CDH12: variants seen among roughly 807,000 people sequenced by gnomAD.
CDH12 encodes cadherin 12, also known as cadherin-12.
In CDH12, 41 loss-of-function variants were observed where a neutral mutation model predicts 74.1. The observed-to-expected ratio is 0.55, with a 90% CI of 0.43 to 0.72. The LOEUF is 0.72. Ranked by LOEUF, CDH12 falls within the 30% of genes least tolerant of loss-of-function variation. The probability of loss-of-function intolerance (pLI) is 0.00; values close to 1 mark genes in which losing one functional copy is unlikely to be tolerated. For synonymous variants in CDH12, 399 were observed against 355.0 expected, an observed-to-expected ratio of 1.12 and a Z score of -1.39; for missense variants, 945 against 977.2, an observed-to-expected ratio of 0.97 and a Z score of 0.44.
chr5:21,941,656 CTGTT>C (rs1417683874), intron 6 of CDH12, among the ~76,000 whole-genome samples: 1 of 151,942 alleles, frequency 6.6e-6, no homozygotes, highest in Non-Finnish European at 1.5e-5. Context: ...ATTTTGCAAA[CTGTT>C]TGCTGTTCTC....
chr5:21,751,624 G>GTGTGTT lies in CDH12; in HGVS notation c.*112_*113insAACACA, dbSNP rs1744063296. 7.8e-4 allele frequency: 528 copies of GTGTGTT among 676,178 alleles called. No individual in the cohort carries two copies. The highest frequency in any genetic ancestry group is 9.3e-4 in the Non-Finnish European group (372 of 399,764). 41.9% of individuals were successfully genotyped at this position (676,178 alleles called of 1,614,324 possible). A position where few individuals can be genotyped will look rare whatever the true frequency, so the allele number is the denominator to read the frequency against. Reference sequence around the variant, plus strand: ...CTTGTCCCAGAGTGTGTGTGTGTGTGTGTGTGTTTGTGTGTGTGTGTGTGT... The same window carrying GTGTGTT: ...CTTGTCCCAGAGTGTGTGTGTGTGTGTGTGTTTGTGTGTTTGTGTGTGTGTGTGTGT... On this transcript the variant is annotated 3_prime_UTR_variant, in exon 15 of 15. Transcript: ENST00000382254.
At chr5:22,348,372 G>A (rs142186057) in intron 3 of CDH12, among the ~76,000 whole-genome samples, 12 of 152,212 alleles carry the variant, frequency 7.9e-5, no homozygotes, top group South Asian at 2.1e-4. Context: ...TTTGAATGTC[G>A]GAATTTGTTC....
chr5:22,619,185 T>G (rs1470312687), intron 1 of CDH12, among the ~76,000 whole-genome samples: 4 of 152,140 alleles, frequency 2.6e-5, no homozygotes, highest in Non-Finnish European at 5.9e-5. Flanking sequence ...TTCATTTGTT[T>G]TGGTCCCTAT....
intron 3 of CDH12, among the ~76,000 whole-genome samples, chr5:22,285,310 A>C (rs1561283144): frequency 1.3e-5 from 2 of 151,564 alleles, no homozygotes; most frequent in South Asian, 2.1e-4. Context: ...AGACATAAAA[A>C]ATAAGTTAAG....
At chr5:22,524,759 A>G (rs1737194696) in intron 1 of CDH12, among the ~76,000 whole-genome samples, 1 of 151,960 alleles carries the variant, frequency 6.6e-6, no homozygotes, top group Non-Finnish European at 1.5e-5. Flanking sequence ...ATGTCCACCA[A>G]GTGACACATG....
At chr5:22,112,650 G>A (rs1744880421) in intron 4 of CDH12, among the ~76,000 whole-genome samples, 1 of 151,244 alleles carries the variant, frequency 6.6e-6, no homozygotes. Context: ...AGATAATATC[G>A]ATCTCCAAGC....
chr5:22,763,730 A>C (rs1343746939), intron 1 of CDH12, among the ~76,000 whole-genome samples: 2 of 151,948 alleles, frequency 1.3e-5, no homozygotes, highest in Non-Finnish European at 2.9e-5. Context: ...CAGTGTTTCC[A>C]AGTTTAAATA....
intron 4 of CDH12, chr5:22,142,464 GA>G (rs991310073): frequency 9.9e-6 from 6 of 605,600 alleles, no homozygotes; most frequent in African/African-American, 9.3e-5. Flanking sequence ...GCACTAGAAG[GA>G]TCTGTAGCTT....
chr5:21,881,013 C>T (rs1752326958), intron 6 of CDH12, among the ~76,000 whole-genome samples: 3 of 151,960 alleles, frequency 2.0e-5, no homozygotes, highest in South Asian at 4.2e-4. Flanking sequence ...AGCTACCCCT[C>T]GGGGAGAATA....
chr5:22,669,611 G>C (rs190976273), intron 1 of CDH12, among the ~76,000 whole-genome samples: 2 of 152,210 alleles, frequency 1.3e-5, no homozygotes, highest in Non-Finnish European at 2.9e-5. Flanking sequence ...TGGCAGACTT[G>C]GTCTGCATGA....
At chr5:21,896,427 T>A (rs1008598792) in intron 6 of CDH12, among the ~76,000 whole-genome samples, 1 of 152,230 alleles carries the variant, frequency 6.6e-6, no homozygotes, top group Non-Finnish European at 1.5e-5. Flanking sequence ...ATATGTAAAC[T>A]ATTTCACAAG....
chr5:21,877,832 C>T (rs936647104), intron 6 of CDH12, among the ~76,000 whole-genome samples: 1 of 152,134 alleles, frequency 6.6e-6, no homozygotes, highest in East Asian at 1.9e-4. Flanking sequence ...TTTCCATTAC[C>T]AGATAGAGCA....
At chr5:21,932,296 C>A (rs1314302216) in intron 6 of CDH12, among the ~76,000 whole-genome samples, 1 of 152,120 alleles carries the variant, frequency 6.6e-6, no homozygotes, top group African/African-American at 2.4e-5. Flanking sequence ...TAGCAAACTT[C>A]AATGTTTCAT....
At chr5:22,441,415 A>G (rs1744617084) in intron 2 of CDH12, among the ~76,000 whole-genome samples, 1 of 152,118 alleles carries the variant, frequency 6.6e-6, no homozygotes, top group African/African-American at 2.4e-5. Flanking sequence ...TGAAATTGCT[A>G]AAGAAGAATG....
At chr5:22,281,722 G>C (rs1052533862) in intron 3 of CDH12, among the ~76,000 whole-genome samples, 1 of 152,100 alleles carries the variant, frequency 6.6e-6, no homozygotes. Flanking sequence ...GGAAATCAGA[G>C]AGGACACAAA....
At chr5:21,863,793 A>G (rs943563613) in intron 6 of CDH12, among the ~76,000 whole-genome samples, 1 of 152,222 alleles carries the variant, frequency 6.6e-6, no homozygotes, top group African/African-American at 2.4e-5. Flanking sequence ...TATGGAATGC[A>G]AACCAGGAGA....
chr5:21,854,683 C>T lies in CDH12; in HGVS notation c.634G>A (p.Asp212Asn). ...ATAAAAAATTTACCTGTCTTGGGAT[C>T]AATAGAGAAATAAGGTTGTCCCTGA... ...ILQGQPYFSI[D>N]PKTGVIRTAL... The change falls in exon 7 of 15, where the codon GAT (aspartate) becomes AAT (asparagine). Residue 212 changes from aspartate to asparagine, a missense_variant. By Grantham distance (23) the Asp-to-Asn change is conservative. Coordinates refer to ENST00000382254, the MANE Select transcript of CDH12 (RefSeq NM_004061.5). The T allele has an allele frequency of 9.7e-7, 1 of 1,034,342 alleles. No individual in the cohort carries two copies. The highest frequency in any genetic ancestry group is 1.4e-6 in the Non-Finnish European group (1 of 713,884). The allele number at this position is 1,034,342 out of a possible 1,614,324, so 64.1% of individuals were successfully genotyped here.
chr5:22,816,375 C>A (rs1300126742), intron 1 of CDH12, among the ~76,000 whole-genome samples: 1 of 152,074 alleles, frequency 6.6e-6, no homozygotes, highest in African/African-American at 2.4e-5. Context: ...TCCTAGACTG[C>A]CAAATTTCTT....
At chr5:22,499,858 T>C (rs1381621842) in intron 2 of CDH12, among the ~76,000 whole-genome samples, 4 of 152,088 alleles carry the variant, frequency 2.6e-5, no homozygotes, top group African/African-American at 9.7e-5. Context: ...TATAAAAAAT[T>C]ATCTGCCACA....
Sources: allele counts gnomAD v4.1 joint callset (sites outside exome capture counted in the v4.1 genomes callset), GRCh38; gene constraint gnomAD v4.1.1; transcripts MANE v1.5; gene names NCBI Gene and HGNC (gene_info 2026-07-23, HGNC 2026-07-21).